DACH2: variants seen among roughly 807,000 people sequenced by gnomAD.
DACH2 encodes the protein dachshund family transcription factor 2.
In DACH2, 17 loss-of-function variants were observed where a neutral mutation model predicts 35.8. The observed-to-expected ratio is 0.48, with a 90% confidence interval of 0.33 to 0.71. The LOEUF (loss-of-function observed/expected upper bound fraction) is 0.71, where lower values mean the gene tolerates loss of function less well. Ranked by LOEUF, DACH2 falls within the 30% of genes least tolerant of loss-of-function variation. The pLI, the probability that DACH2 is intolerant of heterozygous loss-of-function variation, is 0.02. For synonymous variants in DACH2, 195 were observed against 177.3 expected (o/e 1.10, Z -0.79); for missense variants, 469 against 472.7 (o/e 0.99, Z 0.07).
intron 2 of DACH2, among the ~76,000 whole-genome samples, chrX:86,504,423 T>A (rs758606197): frequency 5.4e-5 from 6 of 111,092 alleles, no homozygotes; most frequent in African/African-American, 2.0e-4. Context: ...GATATTTGAA[T>A]CTACCCAAAT....
chrX:86,304,865 G>A (rs1242287505), intron 1 of DACH2: 1 of 132,791 alleles, frequency 7.5e-6, no homozygotes, highest in Non-Finnish European at 1.6e-5. Flanking sequence ...AGAATACCTG[G>A]ATGACTACAT....
chrX:86,575,647 A>T (rs1400092433), intron 3 of DACH2, among the ~76,000 whole-genome samples: 2 of 111,958 alleles, frequency 1.8e-5, no homozygotes, highest in Admixed American at 1.9e-4. Flanking sequence ...TAGAAGAAAA[A>T]GCACATTAAA....
At chrX:86,745,405 C>T (rs1181925328) in intron 7 of DACH2, among the ~76,000 whole-genome samples, 1 of 111,058 alleles carries the variant, frequency 9.0e-6, no homozygotes, top group Non-Finnish European at 1.9e-5. Context: ...TTTGAATCCT[C>T]TCCCTCTTCC....
intron 3 of DACH2, among the ~76,000 whole-genome samples, chrX:86,599,075 T>C (rs1266178295): frequency 9.0e-6 from 1 of 111,238 alleles, no homozygotes; most frequent in East Asian, 2.9e-4. Context: ...GTCCTTGCAA[T>C]AGTTTGCTGA....
chrX:86,349,904 G>A (rs2035564402), intron 1 of DACH2, among the ~76,000 whole-genome samples: 1 of 111,811 alleles, frequency 8.9e-6, no homozygotes, highest in African/African-American at 3.3e-5. Flanking sequence ...GGTGGCTCAC[G>A]CCTGTAATCC....
At chrX:86,293,717 A>C (rs1373898552) in intron 1 of DACH2, among the ~76,000 whole-genome samples, 1 of 111,306 alleles carries the variant, frequency 9.0e-6, no homozygotes, top group Non-Finnish European at 1.9e-5. Flanking sequence ...TTCTGGCTTG[A>C]AAATTCTTTT....
intron 3 of DACH2, among the ~76,000 whole-genome samples, chrX:86,572,512 C>A (rs1213859462): frequency 2.7e-5 from 3 of 111,399 alleles, no homozygotes; most frequent in Non-Finnish European, 5.7e-5. Flanking sequence ...TTTTCTTTTT[C>A]ATTCTGTATA....
chrX:86,574,756 C>T (rs2039415665), intron 3 of DACH2, among the ~76,000 whole-genome samples: 2 of 111,560 alleles, frequency 1.8e-5, no homozygotes, highest in South Asian at 7.4e-4. Context: ...TGCCCTTATG[C>T]TGCAGCAATG....
At chrX:86,385,705 T>TA (rs2148113080) in intron 2 of DACH2, among the ~76,000 whole-genome samples, 1 of 111,046 alleles carries the variant, frequency 9.0e-6, no homozygotes, top group African/African-American at 3.3e-5. Flanking sequence ...TTAGTAGCAT[T>TA]AAAATCACAT....
intron 6 of DACH2, among the ~76,000 whole-genome samples, chrX:86,716,005 C>T (rs2043002957): frequency 9.0e-6 from 1 of 111,601 alleles, no homozygotes; most frequent in South Asian, 3.7e-4. Flanking sequence ...AAATTTAAAG[C>T]ATAACCTTTG....
chrX:86,409,445 G>A (rs1417460917), intron 2 of DACH2, among the ~76,000 whole-genome samples: 1 of 111,305 alleles, frequency 9.0e-6, no homozygotes, highest in African/African-American at 3.3e-5. Context: ...GGGGGTGGAT[G>A]TCCCATGAAT....
intron 2 of DACH2, among the ~76,000 whole-genome samples, chrX:86,484,879 A>G (rs2037995617): frequency 8.9e-6 from 1 of 112,163 alleles, no homozygotes; most frequent in African/African-American, 3.2e-5. Context: ...AAATTAAACA[A>G]TGACAACTGC....
intron 2 of DACH2, among the ~76,000 whole-genome samples, chrX:86,433,977 C>G (rs2037026190): frequency 9.0e-6 from 1 of 111,538 alleles, no homozygotes; most frequent in African/African-American, 3.3e-5. Context: ...AGAAGGTAAT[C>G]TACAGCATCA....
intron 3 of DACH2, among the ~76,000 whole-genome samples, chrX:86,535,886 A>T (rs1242277126): frequency 1.8e-5 from 2 of 111,189 alleles, no homozygotes; most frequent in African/African-American, 6.5e-5. Flanking sequence ...GACAATTAAC[A>T]TGTCTCAGAT....
chrX:86,329,751 G>A (rs1181061083), intron 1 of DACH2, among the ~76,000 whole-genome samples: 2 of 111,075 alleles, frequency 1.8e-5, no homozygotes, highest in Non-Finnish European at 3.8e-5. Context: ...TCATGTTATG[G>A]GACTTTCATT....
intron 1 of DACH2, among the ~76,000 whole-genome samples, chrX:86,327,426 T>C (rs1179009688): frequency 8.9e-6 from 1 of 111,757 alleles, no homozygotes; most frequent in East Asian, 2.8e-4. Flanking sequence ...GAAAAAGAAA[T>C]GTTAGATTGA....
Position 86,813,116 on chromosome X carries a change from C to G in DACH2, c.1390-14C>G. On this transcript the variant is annotated splice_polypyrimidine_tract_variant and intron_variant, in intron 8 of 11. Transcript: ENST00000373125. ...GATAAGATGAACTGCATGTCATTTC[C>G]TGTACCTTGACAGGGTCTGCTGAAA... 8.3e-7 allele frequency: 1 copy of G among 1,201,765 alleles called. No homozygotes were observed. The highest frequency in any genetic ancestry group is 1.1e-6 in the Non-Finnish European group (1 of 891,636).
intron 3 of DACH2, among the ~76,000 whole-genome samples, chrX:86,589,668 A>G (rs981136264): frequency 6.3e-5 from 7 of 111,657 alleles, no homozygotes; most frequent in Admixed American, 3.8e-4. Flanking sequence ...TACAGAGAAT[A>G]GTTTGACTTC....
chrX:86,556,829 G>GAGAGAGAGAA (rs747040901), intron 3 of DACH2, among the ~76,000 whole-genome samples: 1 of 79,382 alleles, frequency 1.3e-5, no homozygotes, highest in African/African-American at 4.3e-5. Context: ...GAGAGAGAGA[G>GAGAGAGAGAA]AAGAAGAAAT....
Sources: gnomAD v4.1 joint callset for allele counts (sites outside exome capture counted in the v4.1 genomes callset) on GRCh38, gnomAD v4.1.1 for gene constraint, MANE v1.5 for transcripts, NCBI Gene and HGNC (gene_info 2026-07-23, HGNC 2026-07-21) for gene names.